The following MNAT1 variants were observed in gnomAD, a reference collection of about 807,000 sequenced individuals.
MNAT1 encodes MNAT1 component of CDK activating kinase, also known as CDK-activating kinase assembly factor MAT1.
MNAT1 carries 43 observed loss-of-function variants against 42.0 expected under a neutral mutation model. That is an observed-to-expected ratio of 1.02 (90% CI 0.80 to 1.32). The LOEUF is 1.32. Among genes scored for constraint, MNAT1 ranks in the 40% most tolerant of loss-of-function variants. MNAT1 has a pLI of 0.00. For missense variants in MNAT1, 306 were observed against 350.4 expected (o/e 0.87, Z 1.01); for synonymous variants, 118 against 120.0 (o/e 0.98, Z 0.11).
chr14:60,868,671 T>A (rs2139445214), intron 6 of MNAT1, among the ~76,000 whole-genome samples: 1 of 152,284 alleles, frequency 6.6e-6, no homozygotes, highest in East Asian at 1.9e-4. Context: ...GGTGGTTATA[T>A]TTGTTGTATG....
chr14:60,895,580 A>G (rs193027494), intron 7 of MNAT1, among the ~76,000 whole-genome samples: 59 of 152,254 alleles, frequency 3.9e-4, no homozygotes, highest in African/African-American at 1.4e-3. Flanking sequence ...TCCATTTTAT[A>G]TTCTGTTTTC....
chr14:60,771,842 T>C (rs918130092), intron 1 of MNAT1, among the ~76,000 whole-genome samples: 1 of 152,246 alleles, frequency 6.6e-6, no homozygotes, highest in Non-Finnish European at 1.5e-5. Context: ...TGCTACATGA[T>C]GGGCACCTAA....
At chr14:60,923,430 A>T (rs1172008566) in intron 7 of MNAT1, among the ~76,000 whole-genome samples, 2 of 152,240 alleles carry the variant, frequency 1.3e-5, no homozygotes, top group Non-Finnish European at 2.9e-5. Flanking sequence ...CATATTTAAC[A>T]AAAATGCTTC....
chr14:60,910,043 C>T (rs1342061520), intron 7 of MNAT1, among the ~76,000 whole-genome samples: 1 of 152,064 alleles, frequency 6.6e-6, no homozygotes, highest in Non-Finnish European at 1.5e-5. Flanking sequence ...CCTTCACATC[C>T]CTTGTAAGTT....
At chr14:60,909,032 G>A (rs373725852) in intron 7 of MNAT1, among the ~76,000 whole-genome samples, 99 of 152,260 alleles carry the variant, frequency 6.5e-4, no homozygotes, top group Middle Eastern at 3.4e-3. Context: ...GTGTGAGATG[G>A]TATCTCATTG....
At chr14:60,796,182 G>C (rs776844903) in intron 1 of MNAT1, 35 bp from the exon 2 acceptor site, 14 of 1,583,166 alleles carry the variant, frequency 8.8e-6, no homozygotes, top group African/African-American at 2.7e-5. Flanking sequence ...TTTGAACATT[G>C]GCTTAAATGT....
chr14:60,879,858 C>T (rs375715507), intron 7 of MNAT1, 23 bp downstream of exon 7: 3 of 1,604,048 alleles, frequency 1.9e-6, no homozygotes, highest in African/African-American at 1.3e-5. Flanking sequence ...AAGAACTTTA[C>T]ATTGAGGAGC....
intron 7 of MNAT1, among the ~76,000 whole-genome samples, chr14:60,890,909 T>C (rs781324919): frequency 3.9e-5 from 6 of 152,198 alleles, no homozygotes; most frequent in Non-Finnish European, 8.8e-5. Flanking sequence ...AACAATACTT[T>C]GCATCCTTCC....
chr14:60,940,606 A>T (rs2139587802), intron 7 of MNAT1, among the ~76,000 whole-genome samples: 1 of 152,084 alleles, frequency 6.6e-6, no homozygotes, highest in South Asian at 2.1e-4. Context: ...TTTAGTAGAG[A>T]GGGGGTTTCA....
intron 1 of MNAT1, among the ~76,000 whole-genome samples, chr14:60,741,783 C>T (rs1238394807): frequency 1.4e-5 from 2 of 147,486 alleles, no homozygotes; most frequent in African/African-American, 5.0e-5. Flanking sequence ...GTAGGTATTA[C>T]AAGAGTGAGC....
rs59608855 is a variant in MNAT1 at position 60,774,724 on chromosome 14, C to T, written c.90-21493C>T. Among the ~76,000 whole-genome samples, 53 of 152,226 alleles carry T rather than the reference C, an allele frequency of 3.5e-4. 1 individual carries two copies. The East Asian group carries it at 8.7e-3, about 25-fold the overall frequency. On this transcript the variant is annotated intron_variant, in intron 1 of 7. Coordinates refer to ENST00000261245, the MANE Select transcript of MNAT1 (RefSeq NM_002431.4). ...GTATTTTAGATGTAGAGTCATCAGTCTTGGTATTAATTAGATGTGGGTAAT... is the reference window on the plus strand; with the variant it reads ...GTATTTTAGATGTAGAGTCATCAGTTTTGGTATTAATTAGATGTGGGTAAT...
intron 7 of MNAT1, among the ~76,000 whole-genome samples, chr14:60,943,013 T>A (rs2036203642): frequency 1.3e-5 from 1 of 78,400 alleles, no homozygotes; most frequent in Non-Finnish European, 2.5e-5. Flanking sequence ...AGTGTGTGTG[T>A]GTGTGTGTGT....
intron 1 of MNAT1, among the ~76,000 whole-genome samples, chr14:60,766,851 G>T (rs182079309): frequency 5.3e-5 from 8 of 152,308 alleles, no homozygotes; most frequent in Admixed American, 5.2e-4. Context: ...GATGAATTGG[G>T]TAGGTGTTTG....
In MNAT1 at chr14:60,734,995, G is replaced by C; in HGVS notation, c.89+44G>C. 6.3e-7 allele frequency: 1 copy of C among 1,586,880 alleles called. No homozygotes were observed. Among genetic ancestry groups the C allele is most frequent in the African/African-American group, 1.3e-5 (1 of 74,532 alleles). On this transcript the variant is annotated intron_variant, in intron 1 of 7. Coordinates refer to ENST00000261245, the MANE Select transcript of MNAT1 (RefSeq NM_002431.4). The surrounding 1 kb of genome is among the most constrained non-coding windows in gnomAD (Gnocchi z 4.3). ...GATTCCCTGGGGGAGAGACGCGCTG[G>C]GTGGGAGGAGAGGACCGGGAGATGC...
chr14:60,943,530 G>GTT (rs1224141634), intron 7 of MNAT1, among the ~76,000 whole-genome samples: 1 of 151,948 alleles, frequency 6.6e-6, no homozygotes, highest in Non-Finnish European at 1.5e-5. Flanking sequence ...GTTTGTTTTT[G>GTT]TTTTTCATAT....
Position 60,739,734 on chromosome 14 carries a change from C to T in MNAT1, c.89+4783C>T, listed in dbSNP as rs1316825846. Among the ~76,000 whole-genome samples the T allele has an allele frequency of 2.6e-5, 4 of 152,190 alleles. No homozygotes were observed. The East Asian group carries it at 7.7e-4, about 29-fold the overall frequency. On this transcript the variant is annotated intron_variant, in intron 1 of 7. Transcript: ENST00000261245. ...TCAAGGATGAACATTGTCTCAATTACAGAAAATGGTAATTTTTTTTCTTTA... is the reference window on the plus strand; with the variant it reads ...TCAAGGATGAACATTGTCTCAATTATAGAAAATGGTAATTTTTTTTCTTTA...
At chr14:60,836,548 C>T (rs574992812) in intron 6 of MNAT1, among the ~76,000 whole-genome samples, 1 of 152,194 alleles carries the variant, frequency 6.6e-6, no homozygotes, top group Non-Finnish European at 1.5e-5. Flanking sequence ...GCCCTGTTTG[C>T]CTGGGTATCC....
intron 7 of MNAT1, among the ~76,000 whole-genome samples, chr14:60,912,873 G>T (rs1252181746): frequency 1.3e-5 from 2 of 152,280 alleles, no homozygotes; most frequent in South Asian, 2.1e-4. Context: ...ATGTTGGCCT[G>T]CCTTGCTAGA....
intron 6 of MNAT1, among the ~76,000 whole-genome samples, chr14:60,819,943 T>C (rs1168759338): frequency 6.6e-6 from 1 of 152,216 alleles, no homozygotes; most frequent in Non-Finnish European, 1.5e-5. Context: ...TTAGTTTTTA[T>C]TGATAATAAC....
Sources: allele counts gnomAD v4.1 joint callset (sites outside exome capture counted in the v4.1 genomes callset), GRCh38; gene constraint gnomAD v4.1.1; non-coding constraint Gnocchi (gnomAD v3.1); transcripts MANE v1.5; gene names NCBI Gene and HGNC (gene_info 2026-07-23, HGNC 2026-07-21).